The following SESN2 variants were observed in gnomAD, a reference collection of about 807,000 sequenced individuals.
SESN2 encodes sestrin-2.
A neutral mutation model predicts 56.0 loss-of-function variants in SESN2; 42 were observed. The ratio of observed to expected loss-of-function variants is 0.75; its 90% CI spans 0.59 to 0.97. SESN2 has a LOEUF of 0.97. Among genes scored for constraint, SESN2 ranks in the 50% least tolerant of loss-of-function variants. The probability of loss-of-function intolerance (pLI) is 0.00; values close to 1 mark genes in which losing one functional copy is unlikely to be tolerated. For synonymous variants in SESN2, 264 were observed against 267.1 expected (o/e 0.99, Z 0.11); for missense variants, 507 against 649.4 (o/e 0.78, Z 2.38).
chr1:28,272,137 G>T, intron 3 of SESN2, 147 bp from the exon 4 acceptor site: 5 of 849,650 alleles, frequency 5.9e-6, no homozygotes, highest in Non-Finnish European at 7.3e-6. Flanking sequence ...CCTGCAAGCT[G>T]GTGGCAGAGC....
chr1:28,272,332 G>A lies in SESN2; in HGVS notation c.403G>A (p.Glu135Lys), dbSNP rs146400597. The A allele has an allele frequency of 1.1e-5, 18 of 1,613,970 alleles. No individual in the cohort carries two copies. The highest frequency in any genetic ancestry group is 1.6e-4 in the Middle Eastern group (1 of 6,080). The change falls in exon 4 of 10, where the codon GAG (glutamate) becomes AAG (lysine). Residue 135 changes from glutamate to lysine, a missense_variant. Physicochemically the swap from Glu to Lys is moderately conservative, Grantham distance 56. Transcript: ENST00000253063. The part of the protein sequence containing the change: ...CSYLVGSHMA[E>K]FLQTGGDPEW... The stretch of plus-strand genomic sequence containing the variant: ...TTACCTGGTAGGCTCCCACATGGCC[G>A]AGTTTCTGCAGACTGGTGGTGACCC...
chr1:28,260,135 C>G (rs1489514700), intron 1 of SESN2, among the ~76,000 whole-genome samples, 198 bp downstream of exon 1: 1 of 141,126 alleles, frequency 7.1e-6, no homozygotes, highest in Non-Finnish European at 1.6e-5. Context: ...CTCCCTCCTT[C>G]TCCCCCTCCC....
At chr1:28,263,211 C>T (rs1449586948) in intron 1 of SESN2, among the ~76,000 whole-genome samples, 4 of 152,158 alleles carry the variant, frequency 2.6e-5, no homozygotes, top group African/African-American at 9.7e-5. Context: ...GAATTGTGCC[C>T]ATTTGGAAGA....
At chr1:28,266,787 G>A (rs1238248070) in intron 1 of SESN2, among the ~76,000 whole-genome samples, 1 of 152,078 alleles carries the variant, frequency 6.6e-6, no homozygotes, top group African/African-American at 2.4e-5. Flanking sequence ...CGAATTCCTG[G>A]CCTCAAGCGA....
intron 1 of SESN2, among the ~76,000 whole-genome samples, chr1:28,267,402 G>A (rs903786913): frequency 6.6e-6 from 1 of 152,128 alleles, no homozygotes; most frequent in Non-Finnish European, 1.5e-5. Flanking sequence ...TTGCAGAATT[G>A]GTACCTATTC....
In SESN2 at chr1:28,273,636, T is replaced by G. The variant is rs145847484; in HGVS notation, c.901+128T>G. 6.1e-3 allele frequency: 5,505 copies of G among 901,718 alleles called. 52 individuals are homozygous for G. The highest frequency in any genetic ancestry group is 0.024 in the South Asian group (1,251 of 51,348). The allele number at this position is 901,718 out of a possible 1,614,324, so 55.9% of individuals were successfully genotyped here. A position where few individuals can be genotyped will look rare whatever the true frequency, so the allele number is the denominator to read the frequency against. On this transcript the variant is annotated intron_variant, in intron 6 of 9. Transcript: ENST00000253063. ...CCTCCCGTCCAAGAGGTTCTGAGCA[T>G]GGGCCTTGGGCTCAGACCTGGCTTT...
Position 28,280,884 on chromosome 1 carries a change from C to A in SESN2, c.*82C>A. The A allele has an allele frequency of 9.6e-7, 1 of 1,036,524 alleles. No individual in the cohort carries two copies. The highest frequency in any genetic ancestry group is 1.5e-6 in the Non-Finnish European group (1 of 667,846). 64.2% of individuals were successfully genotyped at this position (1,036,524 alleles called of 1,614,324 possible). A position where few individuals can be genotyped will look rare whatever the true frequency, so the allele number is the denominator to read the frequency against. ...GACAGCCCCAGACCCTTTTGTGTCC[C>A]ATGCCCACCCTCCCCACGCTGCAGT... On this transcript the variant is annotated 3_prime_UTR_variant, in exon 10 of 10. Coordinates refer to ENST00000253063, the MANE Select transcript of SESN2 (RefSeq NM_031459.5).
chr1:28,262,222 G>A (rs1207681110), intron 1 of SESN2, among the ~76,000 whole-genome samples: 2 of 152,132 alleles, frequency 1.3e-5, no homozygotes, highest in Non-Finnish European at 2.9e-5. Context: ...AGACCCAGGC[G>A]TGCAGCTCCC....
At chr1:28,274,728 G>A in intron 7 of SESN2, 97 bp from the exon 8 acceptor site, 2 of 961,798 alleles carry the variant, frequency 2.1e-6, no homozygotes, top group South Asian at 1.5e-5. Flanking sequence ...ATGGCACCAG[G>A]AAGGAGAATC....
chr1:28,279,161 A>G lies in SESN2; in HGVS notation c.1276A>G (p.Lys426Glu). The change falls in exon 9 of 10, where the codon AAG becomes GAG. Residue 426 changes from lysine to glutamate, a missense_variant. Transcript: ENST00000253063. ...GGAGCGGAACCTCAAGGTCTATATC[A>G]AGACAGTGGCCTGCTACCCAGAGAA... ...LLERNLKVYI[K>E]TVACYPEKTT... The G allele has an allele frequency of 6.2e-7, 1 of 1,614,142 alleles. No homozygotes were observed. Among genetic ancestry groups the G allele is most frequent in the Non-Finnish European group, 8.5e-7 (1 of 1,180,002 alleles).
At chr1:28,278,595 A>T (rs1385204897) in intron 8 of SESN2, among the ~76,000 whole-genome samples, 1 of 152,164 alleles carries the variant, frequency 6.6e-6, no homozygotes, top group Non-Finnish European at 1.5e-5. Context: ...TACTGAAATT[A>T]ATGTAAAAAA....
rs77163642 is a variant in SESN2 at position 28,271,200 on chromosome 1, C to T, written c.157-474C>T. 9.8e-4 allele frequency among the ~76,000 whole-genome samples: 149 copies of T among 152,224 alleles called. 1 individual carries two copies. Among genetic ancestry groups the T allele is most frequent in the African/African-American group, 3.1e-3 (129 of 41,536 alleles). On this transcript the variant is annotated intron_variant, in intron 2 of 9. Coordinates refer to ENST00000253063, the MANE Select transcript of SESN2 (RefSeq NM_031459.5). ...TTATTGGCTAGATCCCATGAAATCA[C>T]GCGGAGAAAACTGTAAGCTCAGGGA...
chr1:28,262,457 C>G (rs1647405838), intron 1 of SESN2, among the ~76,000 whole-genome samples: 1 of 150,154 alleles, frequency 6.7e-6, no homozygotes, highest in Admixed American at 6.6e-5. Flanking sequence ...AGCCTGAAAC[C>G]CTGTCTCTAC....
chr1:28,267,767 A>G (rs890991702), intron 1 of SESN2, among the ~76,000 whole-genome samples: 1 of 152,206 alleles, frequency 6.6e-6, no homozygotes, highest in African/African-American at 2.4e-5. Context: ...GCTGCAGCAT[A>G]TAACAGGTCA....
In SESN2 at chr1:28,268,571, A is replaced by C. The variant is rs377193372; in HGVS notation, c.91-612A>C. 2.0e-5 allele frequency among the ~76,000 whole-genome samples: 3 copies of C among 152,024 alleles called. No homozygotes were observed. The East Asian group carries it at 5.8e-4, about 29-fold the overall frequency. ...TCCCAGCTACTCGGGAGGCTGAGGC[A>C]GGAGAATCGCTTGAACCCAGGAGGC... On this transcript the variant is annotated intron_variant, in intron 1 of 9. Transcript: ENST00000253063.
chr1:28,279,883 T>G (rs2149041228), intron 9 of SESN2, among the ~76,000 whole-genome samples: 1 of 152,080 alleles, frequency 6.6e-6, no homozygotes, highest in African/African-American at 2.4e-5. Flanking sequence ...AGACAGAGTC[T>G]TGCTCTGTTG....
intron 2 of SESN2, among the ~76,000 whole-genome samples, chr1:28,271,307 A>G (rs1453696351): frequency 6.6e-6 from 1 of 152,338 alleles, no homozygotes; most frequent in East Asian, 1.9e-4. Context: ...GTTAGAATAG[A>G]CACTCCATGA....
In SESN2 at chr1:28,259,847, C is replaced by A. The variant is rs1356539961; in HGVS notation, c.-1C>A. On this transcript the variant is annotated 5_prime_UTR_variant, in exon 1 of 10. Transcript: ENST00000253063. ...GCCGCGACCGGGTCCTGGCGCGCAC[C>A]ATGATCGTGGCGGACTCCGAGTGCC... is the stretch of plus-strand genomic sequence containing the variant. 1 of 1,392,832 alleles carries A rather than the reference C, an allele frequency of 7.2e-7. No individual in the cohort carries two copies. The highest frequency in any genetic ancestry group is 1.6e-5 in the South Asian group (1 of 63,766). 86.3% of individuals were successfully genotyped at this position (1,392,832 alleles called of 1,614,324 possible). A position where few individuals can be genotyped will look rare whatever the true frequency, so the allele number is the denominator to read the frequency against.
chr1:28,262,162 G>A (rs1040059510), intron 1 of SESN2, among the ~76,000 whole-genome samples: 2 of 152,132 alleles, frequency 1.3e-5, no homozygotes, highest in Admixed American at 6.5e-5. Context: ...GGCATCCTTA[G>A]AAGACAGCAG....
Sources: gnomAD v4.1 joint callset for allele counts (sites outside exome capture counted in the v4.1 genomes callset) on GRCh38, gnomAD v4.1.1 for gene constraint, MANE v1.5 for transcripts, NCBI Gene and HGNC (gene_info 2026-07-23, HGNC 2026-07-21) for gene names.